KCNG2: variants seen among roughly 807,000 people sequenced by gnomAD.
The protein encoded by KCNG2 is potassium voltage-gated channel modifier subfamily G member 2, also known as voltage-gated potassium channel regulatory subunit KCNG2.
Under a neutral mutation model 12.3 loss-of-function variants are expected in KCNG2, and 7 were observed. The ratio of observed to expected loss-of-function variants is 0.57; its 90% confidence interval spans 0.32 to 1.07. The LOEUF (loss-of-function observed/expected upper bound fraction) is 1.07. KCNG2 is among the 50% of genes least tolerant of loss of function. KCNG2 has a pLI of 0.04. For missense variants in KCNG2, 703 were observed against 726.0 expected (o/e 0.97, Z 0.36); for synonymous variants, 414 against 351.4 (o/e 1.18, Z -1.99).
chr18:79,873,680 C>T (rs1418867586), intron 3 of KCNG2, among the ~76,000 whole-genome samples: 4 of 152,174 alleles, frequency 2.6e-5, no homozygotes, highest in Admixed American at 2.0e-4. Flanking sequence ...TGTCTGTTCG[C>T]GGCATCTGAA....
intron 1 of KCNG2, among the ~76,000 whole-genome samples, chr18:79,805,981 C>T (rs1444998754): frequency 6.6e-6 from 1 of 152,214 alleles, no homozygotes; most frequent in African/African-American, 2.4e-5. Flanking sequence ...TGGATTGATC[C>T]AGCCAGGCCC....
chr18:79,883,165 C>T (rs1480919768), intron 3 of KCNG2, among the ~76,000 whole-genome samples: 3 of 145,156 alleles, frequency 2.1e-5, no homozygotes, highest in Admixed American at 2.0e-4. Flanking sequence ...GGGCCTGACG[C>T]GGGAGAGGCC....
intron 1 of KCNG2, among the ~76,000 whole-genome samples, chr18:79,834,164 C>A (rs536323345): frequency 2.0e-5 from 3 of 152,316 alleles, no homozygotes; most frequent in African/African-American, 7.2e-5. Context: ...AGAGCCCCAG[C>A]CAGCGTCAGA....
intron 3 of KCNG2, among the ~76,000 whole-genome samples, chr18:79,888,844 T>A (rs949850760): frequency 5.3e-5 from 8 of 152,150 alleles, no homozygotes; most frequent in Admixed American, 5.2e-4. Context: ...CCAGCTATTT[T>A]TTTTTTGTAT....
intron 3 of KCNG2, among the ~76,000 whole-genome samples, chr18:79,875,255 C>G (rs527242258): frequency 3.3e-5 from 5 of 152,176 alleles, no homozygotes; most frequent in African/African-American, 9.7e-5. Flanking sequence ...CCTGCCCCAT[C>G]ATGGGAAGAA....
At chr18:79,839,902 A>C (rs1978408787) in intron 1 of KCNG2, among the ~76,000 whole-genome samples, 1 of 152,234 alleles carries the variant, frequency 6.6e-6, no homozygotes, top group African/African-American at 2.4e-5. Flanking sequence ...AAGTTGATGC[A>C]AAAAACTTTT....
intron 1 of KCNG2, among the ~76,000 whole-genome samples, chr18:79,829,928 T>C (rs560479093): frequency 2.0e-5 from 3 of 152,250 alleles, no homozygotes; most frequent in Non-Finnish European, 4.4e-5. Context: ...GCGAAGCTAT[T>C]ATGTTTTCAT....
Position 79,899,366 on chromosome 18 carries a change from C to A in KCNG2, c.951C>A (p.Arg317=). ...GTTCGCTGGGCCTGACCATGCGCCG[C>A]TGCGCGCGCGAGTTCGGGCTGCTGC... The part of the protein sequence containing the change: ...GLRSLGLTMR[R]CAREFGLLLL... The change falls in exon 4 of 4, where the codon CGC becomes CGA. Residue 317 remains arginine (R), a synonymous_variant. Transcript: ENST00000316249. 6.4e-7 allele frequency: 1 copy of A among 1,556,146 alleles called. No homozygotes were observed. Among genetic ancestry groups the A allele is most frequent in the South Asian group, 1.2e-5 (1 of 85,824 alleles).
chr18:79,864,252 C>T lies in KCNG2; in HGVS notation c.585C>T (p.Cys195=). 6.5e-7 allele frequency: 1 copy of T among 1,550,354 alleles called. No homozygotes were observed. Among genetic ancestry groups the T allele is most frequent in the Non-Finnish European group, 8.7e-7 (1 of 1,153,412 alleles). ...SFVAVTAVGL[C]LSTMPDIRAE... Reference sequence around the variant, plus strand: ...TGGCCGTCACGGCCGTGGGCCTCTGCCTGAGCACCATGCCGGACATCCGCG... The same window carrying T: ...TGGCCGTCACGGCCGTGGGCCTCTGTCTGAGCACCATGCCGGACATCCGCG... Residue 195 remains cysteine (C), a synonymous_variant, in exon 3 of 4, where the codon TGC becomes TGT. Transcript: ENST00000316249.
chr18:79,832,182 G>A (rs959810668), intron 1 of KCNG2, among the ~76,000 whole-genome samples: 3 of 151,828 alleles, frequency 2.0e-5, no homozygotes, highest in African/African-American at 7.3e-5. Context: ...ATCCTCACCT[G>A]CCCTTTCTCA....
At chr18:79,854,209 C>T (rs1978926234) in intron 1 of KCNG2, among the ~76,000 whole-genome samples, 1 of 152,346 alleles carries the variant, frequency 6.6e-6, no homozygotes, top group Admixed American at 6.5e-5. Context: ...CACTGCCCGG[C>T]AGAGCCTCAC....
chr18:79,839,567 TTTGTA>T (rs879761193), intron 1 of KCNG2, among the ~76,000 whole-genome samples: 16 of 152,194 alleles, frequency 1.1e-4, no homozygotes, highest in Non-Finnish European at 2.2e-4. Context: ...TAAACTTGAA[TTTGTA>T]AATTAAAAAT....
rs751994030 is a variant in KCNG2 at position 79,884,810 on chromosome 18, G to C, written c.625-14230G>C. ...GGAACTCGGGAGCGGTTTACCCACA[G>C]GTTCCTGTGCGTGGGAGCAAACTTG... On this transcript the variant is annotated intron_variant, in intron 3 of 3. Coordinates refer to ENST00000316249, the MANE Select transcript of KCNG2 (RefSeq NM_012283.2). The surrounding 1 kb of genome is among the most constrained non-coding windows in gnomAD (Gnocchi z 5.5). Among the ~76,000 whole-genome samples, 36 of 152,180 alleles carry C rather than the reference G, an allele frequency of 2.4e-4. No homozygotes were observed. The highest frequency in any genetic ancestry group is 4.6e-4 in the Non-Finnish European group (31 of 68,022).
At chr18:79,891,483 G>A (rs930618441) in intron 3 of KCNG2, among the ~76,000 whole-genome samples, 6 of 151,874 alleles carry the variant, frequency 4.0e-5, no homozygotes, top group African/African-American at 7.3e-5. Flanking sequence ...CTCCTGCCTC[G>A]GCCTCCCAAA....
chr18:79,855,307 T>C (rs1978971583), intron 1 of KCNG2, among the ~76,000 whole-genome samples: 1 of 152,152 alleles, frequency 6.6e-6, no homozygotes. Context: ...ACTTCTTTGC[T>C]CTGGGGGCCC....
intron 1 of KCNG2, among the ~76,000 whole-genome samples, chr18:79,847,378 A>G (rs1413216354): frequency 1.3e-5 from 2 of 152,290 alleles, no homozygotes; most frequent in Admixed American, 1.3e-4. Flanking sequence ...CCCAGTCAAG[A>G]CAATCAAAAC....
intron 3 of KCNG2, among the ~76,000 whole-genome samples, chr18:79,895,343 GTGTC>G (rs1411005858): frequency 6.6e-6 from 1 of 151,482 alleles, no homozygotes; most frequent in Non-Finnish European, 1.5e-5. Context: ...AGTTGAGTCT[GTGTC>G]TGCTTTTGAT....
At chr18:79,845,960 G>A (rs1021355780) in intron 1 of KCNG2, among the ~76,000 whole-genome samples, 28 of 152,100 alleles carry the variant, frequency 1.8e-4, no homozygotes, top group Non-Finnish European at 3.5e-4. Flanking sequence ...GCGTAGTGGC[G>A]GGCCCCTGTA....
chr18:79,825,884 C>T (rs910871061), intron 1 of KCNG2, among the ~76,000 whole-genome samples: 1 of 152,246 alleles, frequency 6.6e-6, no homozygotes, highest in African/African-American at 2.4e-5. Context: ...GCCTTCCTTC[C>T]GGAAGTTTCT....
Sources: gnomAD v4.1 joint callset for allele counts (sites outside exome capture counted in the v4.1 genomes callset) on GRCh38, gnomAD v4.1.1 for gene constraint, Gnocchi (gnomAD v3.1) non-coding constraint, MANE v1.5 for transcripts, NCBI Gene and HGNC (gene_info 2026-07-23, HGNC 2026-07-21) for gene names.